VPS53: variants seen among roughly 807,000 people sequenced by gnomAD.
VPS53 encodes the protein VPS53 subunit of GARP complex.
In VPS53, 70 loss-of-function variants were observed where a neutral mutation model predicts 107.0. That is an observed-to-expected ratio of 0.65 (90% CI 0.54 to 0.80). VPS53 has a LOEUF of 0.80. Ranked by LOEUF, VPS53 falls within the 30% of genes least tolerant of loss-of-function variation. The pLI is 0.00. For synonymous variants in VPS53, 409 were observed against 393.3 expected, an observed-to-expected ratio of 1.04 and a Z score of -0.47; for missense variants, 917 against 1,049.4, an observed-to-expected ratio of 0.87 and a Z score of 1.74.
intron 13 of VPS53, among the ~76,000 whole-genome samples, chr17:577,443 C>A (rs1451173217): frequency 1.3e-5 from 2 of 150,724 alleles, no homozygotes; most frequent in Admixed American, 6.6e-5. Flanking sequence ...TCCCAGAGAA[C>A]CCCCAACAGA....
intron 11 of VPS53, among the ~76,000 whole-genome samples, chr17:603,733 G>A (rs1968429577): frequency 6.6e-6 from 1 of 152,018 alleles, no homozygotes; most frequent in Non-Finnish European, 1.5e-5. Flanking sequence ...TACCTAACAT[G>A]AGAGAAAAAA....
intron 4 of VPS53, among the ~76,000 whole-genome samples, chr17:668,890 C>T (rs1467539022): frequency 6.6e-6 from 1 of 152,168 alleles, no homozygotes; most frequent in Non-Finnish European, 1.5e-5. Flanking sequence ...CTGAAGGTAT[C>T]GCTTTTTTCT....
chr17:596,372 CAGGCCCTGCCCTTGATGACGTCCCA>C lies in VPS53; in HGVS notation c.1218+5398_1218+5422del, dbSNP rs1489311430. Among the ~76,000 whole-genome samples, 147 of 152,286 alleles carry C rather than the reference CAGGCCCTGCCCTTGATGACGTCCCA, an allele frequency of 9.7e-4. 1 individual carries two copies. The highest frequency in any genetic ancestry group is 3.4e-3 in the Middle Eastern group (1 of 294). On this transcript the variant is annotated intron_variant, in intron 12 of 21. Coordinates refer to ENST00000437048, the MANE Select transcript of VPS53 (RefSeq NM_001128159.3). Reference sequence around the variant, plus strand: ...CGAACTCATCTTGTTCAGTCTGCCACAGGCCCTGCCCTTGATGACGTCCCACAGGTCCTGCCCTTGATGAGGCCCC... The same window carrying C: ...CGAACTCATCTTGTTCAGTCTGCCACCAGGTCCTGCCCTTGATGAGGCCCC...
At chr17:663,046 A>C (rs1260694479) in intron 4 of VPS53, among the ~76,000 whole-genome samples, 11 of 151,994 alleles carry the variant, frequency 7.2e-5, no homozygotes, top group Admixed American at 6.6e-4. Flanking sequence ...TCTCTGCAAA[A>C]AAAAAAGTTA....
chr17:686,270 C>T (rs184193417), intron 4 of VPS53, among the ~76,000 whole-genome samples: 3 of 151,890 alleles, frequency 2.0e-5, no homozygotes, highest in Admixed American at 6.6e-5. Context: ...GAGTGAGCTA[C>T]GATCCTGCCA....
At chr17:579,949 T>A (rs1250582832) in intron 13 of VPS53, among the ~76,000 whole-genome samples, 1 of 150,638 alleles carries the variant, frequency 6.6e-6, no homozygotes, top group African/African-American at 2.5e-5. Flanking sequence ...TCTAATGCAT[T>A]CCCAGAGAAC....
intron 1 of VPS53, among the ~76,000 whole-genome samples, chr17:713,658 C>CAA (rs200422195): frequency 1.4e-5 from 2 of 143,832 alleles, no homozygotes; most frequent in Non-Finnish European, 3.0e-5. Context: ...TCTCAGAAAA[C>CAA]AAAAAAAAAG....
rs147193874 is a variant in VPS53, at chr17:700,602, G to A, written c.169-1222C>T. Among the ~76,000 whole-genome samples the A allele has an allele frequency of 4.3e-4, 66 of 152,186 alleles. 1 individual carries two copies. In the East Asian group the frequency reaches 9.3e-3, roughly 21 times the overall value. ...TCTGTATTTTATAATTATTGACTATGCACTACTACTGTGATTATAATAAGC... is the reference window on the plus strand; with the variant it reads ...TCTGTATTTTATAATTATTGACTATACACTACTACTGTGATTATAATAAGC... On this transcript the variant is annotated intron_variant, in intron 2 of 21. Coordinates refer to ENST00000437048, the MANE Select transcript of VPS53 (RefSeq NM_001128159.3).
chr17:662,427 C>G (rs1031825543), intron 4 of VPS53, among the ~76,000 whole-genome samples: 2 of 152,202 alleles, frequency 1.3e-5, no homozygotes, highest in Non-Finnish European at 2.9e-5. Context: ...CAGTGGCTCA[C>G]GCCTGTAATC....
intron 12 of VPS53, among the ~76,000 whole-genome samples, chr17:587,355 G>A (rs370356514): frequency 7.9e-5 from 12 of 152,122 alleles, no homozygotes; most frequent in East Asian, 1.9e-4. Flanking sequence ...GAGGCATGGC[G>A]CCCAGCCAGA....
intron 12 of VPS53, among the ~76,000 whole-genome samples, chr17:592,659 T>C (rs1333080288): frequency 6.6e-6 from 1 of 152,232 alleles, no homozygotes; most frequent in African/African-American, 2.4e-5. Flanking sequence ...AAGCTTAGTT[T>C]GGCTGGATAT....
chr17:587,647 T>G (rs930522615), intron 12 of VPS53, among the ~76,000 whole-genome samples: 4 of 152,164 alleles, frequency 2.6e-5, no homozygotes, highest in Admixed American at 6.5e-5. Context: ...TCCAAACATC[T>G]AAAAAATAAG....
chr17:631,651 C>T, intron 7 of VPS53, 23 bp from the exon 8 acceptor site: 3 of 1,603,196 alleles, frequency 1.9e-6, no homozygotes, highest in African/African-American at 1.3e-5. Flanking sequence ...GAGAACATAT[C>T]ATCACCTGGC....
chr17:532,791 G>C (rs771976287), intron 19 of VPS53, 51 bp downstream of exon 19: 26 of 1,607,244 alleles, frequency 1.6e-5, no homozygotes, highest in Non-Finnish European at 2.1e-5. Context: ...ATATGTGCTT[G>C]ATCTACAACA....
chr17:624,649 A>C (rs1969613326), intron 10 of VPS53, among the ~76,000 whole-genome samples: 1 of 152,196 alleles, frequency 6.6e-6, no homozygotes, highest in African/African-American at 2.4e-5. Context: ...CCGAGACAAC[A>C]ATGGCAGGTA....
rs548758045 is a variant in VPS53 at position 596,486 on chromosome 17, C to T, written c.1218+5309G>A. 1.2e-4 allele frequency among the ~76,000 whole-genome samples: 18 copies of T among 152,252 alleles called. 1 individual carries two copies. Among genetic ancestry groups the T allele is most frequent in the African/African-American group, 4.1e-4 (17 of 41,542 alleles). On this transcript the variant is annotated intron_variant, in intron 12 of 21. Coordinates refer to ENST00000437048, the MANE Select transcript of VPS53 (RefSeq NM_001128159.3). ...GGGTTCCACCTCTATCTGCAGATGA[C>T]GCTGCCCTGCCCTGCCCTCCCCACC...
At chr17:654,574 T>C (rs1567712012) in intron 6 of VPS53, among the ~76,000 whole-genome samples, 1 of 151,206 alleles carries the variant, frequency 6.6e-6, no homozygotes, top group Non-Finnish European at 1.5e-5. Context: ...CCGTCTCTAC[T>C]AAAAATACAA....
intron 13 of VPS53, among the ~76,000 whole-genome samples, chr17:575,063 C>T (rs1567640328): frequency 6.6e-6 from 1 of 152,216 alleles, no homozygotes; most frequent in Non-Finnish European, 1.5e-5. Flanking sequence ...TGGGCAAGAG[C>T]AAGGGCACTA....
chr17:562,856 C>T, intron 13 of VPS53, 111 bp from the exon 14 acceptor site: 1 of 1,243,382 alleles, frequency 8.0e-7, no homozygotes, highest in Non-Finnish European at 1.1e-6. Flanking sequence ...ATTCCTACTG[C>T]ATTTAAAACT....
Sources: gnomAD v4.1 joint callset for allele counts (sites outside exome capture counted in the v4.1 genomes callset) on GRCh38, gnomAD v4.1.1 for gene constraint, MANE v1.5 for transcripts, NCBI Gene and HGNC (gene_info 2026-07-23, HGNC 2026-07-21) for gene names.